The following PLA2G4E variants were observed in gnomAD, a reference collection of about 807,000 sequenced individuals.
PLA2G4E encodes the protein cytosolic phospholipase A2 epsilon.
PLA2G4E carries 84 observed loss-of-function variants against 109.1 expected under a neutral mutation model. That is an observed-to-expected ratio of 0.77 (90% CI 0.65 to 0.92). The LOEUF (loss-of-function observed/expected upper bound fraction) is 0.92. Among genes scored for constraint, PLA2G4E ranks in the 40% least tolerant of loss-of-function variants. The pLI is 0.00. For missense variants in PLA2G4E, 1,057 were observed against 1,076.6 expected, an observed-to-expected ratio of 0.98 and a Z score of 0.25; for synonymous variants, 469 against 436.1, an observed-to-expected ratio of 1.08 and a Z score of -0.94.
chr15:42,040,056 G>A (rs1889286996), intron 1 of PLA2G4E, among the ~76,000 whole-genome samples: 1 of 152,116 alleles, frequency 6.6e-6, no homozygotes, highest in African/African-American at 2.4e-5. Flanking sequence ...ACAGTATTTG[G>A]CCAGTTGTGG....
In PLA2G4E at chr15:41,995,502, G is replaced by T. The variant is rs752214941; in HGVS notation, c.1111-6C>A. 3 of 1,612,484 alleles carry T rather than the reference G, an allele frequency of 1.9e-6. No homozygotes were observed. The highest frequency in any genetic ancestry group is 2.5e-6 in the Non-Finnish European group (3 of 1,178,712). ...ATGATGGCTATCAGCGGCACCTGGG[G>T]TTACACAGAGGCAGGCGGTTGGGGA... is the stretch of plus-strand genomic sequence containing the variant. On this transcript the variant is annotated splice_polypyrimidine_tract_variant and splice_region_variant and intron_variant, in intron 11 of 19. Coordinates refer to ENST00000399518, the Ensembl canonical transcript of PLA2G4E.
intron 17 of PLA2G4E, chr15:41,986,947 G>A: frequency 1.7e-6 from 1 of 583,950 alleles, no homozygotes. Flanking sequence ...TAGAATGACT[G>A]TACAGATGCA....
intron 1 of PLA2G4E, among the ~76,000 whole-genome samples, 83 bp downstream of exon 1, chr15:42,020,852 T>TCCATGC (rs1195789211): frequency 6.6e-6 from 1 of 151,978 alleles, no homozygotes; most frequent in Non-Finnish European, 1.5e-5. Flanking sequence ...TGCTCTCAGC[T>TCCATGC]CCCTGCCCCT....
chr15:42,014,909 A>G (rs2068573908), intron 1 of PLA2G4E, among the ~76,000 whole-genome samples: 1 of 152,080 alleles, frequency 6.6e-6, no homozygotes. Flanking sequence ...CCAGGGGACC[A>G]GAGCCCTGAG....
chr15:42,041,968 G>T (rs1268990249), intron 1 of PLA2G4E, among the ~76,000 whole-genome samples: 1 of 152,194 alleles, frequency 6.6e-6, no homozygotes, highest in Non-Finnish European at 1.5e-5. Flanking sequence ...ATGGCCATGC[G>T]AATTCTCTGG....
chr15:42,050,561 C>A, exon 1 of PLA2G4E: 1 of 1,550,584 alleles, frequency 6.4e-7, no homozygotes, highest in Non-Finnish European at 8.7e-7. Flanking sequence ...AGGTGGGAGA[C>A]CAGGAGTGTC....
At chr15:42,007,194 G>C (rs2068485421) in intron 3 of PLA2G4E, among the ~76,000 whole-genome samples, 1 of 152,142 alleles carries the variant, frequency 6.6e-6, no homozygotes, top group South Asian at 2.1e-4. Flanking sequence ...TCACAACTCA[G>C]GATGCTCAAA....
intron 1 of PLA2G4E, among the ~76,000 whole-genome samples, chr15:42,022,851 A>C (rs1323547944): frequency 1.3e-5 from 2 of 152,170 alleles, no homozygotes; most frequent in Non-Finnish European, 1.5e-5. Flanking sequence ...CACACAACTA[A>C]GAACTGGCTA....
chr15:42,006,703 T>C, intron 3 of PLA2G4E, among the ~76,000 whole-genome samples: 1 of 152,216 alleles, frequency 6.6e-6, no homozygotes, highest in East Asian at 1.9e-4. Flanking sequence ...GGCTGAACTC[T>C]GAGGTCAGTG....
chr15:41,999,468 T>G, intron 10 of PLA2G4E, 56 bp downstream of exon 10: 1 of 1,330,774 alleles, frequency 7.5e-7, no homozygotes, highest in Non-Finnish European at 1.1e-6. Context: ...GAGATACCAC[T>G]GCACACCCAC....
At chr15:42,006,629 C>T (rs2068479939) in intron 3 of PLA2G4E, among the ~76,000 whole-genome samples, 1 of 152,182 alleles carries the variant, frequency 6.6e-6, no homozygotes, top group Non-Finnish European at 1.5e-5. Flanking sequence ...TGAACTCTAT[C>T]CTTTGACTCA....
chr15:41,994,985 G>A (rs370262203), intron 12 of PLA2G4E, among the ~76,000 whole-genome samples: 106 of 152,358 alleles, frequency 7.0e-4, no homozygotes, highest in African/African-American at 2.4e-3. Flanking sequence ...GAGCTCAGCT[G>A]CAGGGCCCTG....
chr15:42,001,058 G>T, intron 7 of PLA2G4E, 99 bp downstream of exon 7: 1 of 1,278,362 alleles, frequency 7.8e-7, no homozygotes. Flanking sequence ...GTCCCCCTGA[G>T]CCCAGGGAAG....
chr15:42,006,319 C>A (rs1394298083), intron 3 of PLA2G4E, 198 bp from the exon 4 acceptor site: 2 of 538,798 alleles, frequency 3.7e-6, no homozygotes, highest in Non-Finnish European at 6.1e-6. Flanking sequence ...TCCTTTCCAA[C>A]TCCCTGAAGC....
At chr15:42,017,979 A>G (rs952084893) in intron 1 of PLA2G4E, among the ~76,000 whole-genome samples, 2 of 152,138 alleles carry the variant, frequency 1.3e-5, no homozygotes, top group African/African-American at 4.8e-5. Context: ...TCAGGAGACA[A>G]CCACATTTTG....
intron 1 of PLA2G4E, among the ~76,000 whole-genome samples, chr15:42,031,761 G>A (rs1173620484): frequency 1.3e-5 from 2 of 152,214 alleles, no homozygotes; most frequent in Admixed American, 6.5e-5. Context: ...GGAGAGGGAA[G>A]GGGAGGTCTT....
chr15:41,997,283 T>C (rs748443757), intron 10 of PLA2G4E, 24 bp from the exon 11 acceptor site: 46 of 1,523,858 alleles, frequency 3.0e-5, no homozygotes, highest in Admixed American at 6.1e-5. Flanking sequence ...GGACCCTGTA[T>C]TGGGCCTGCA....
intron 1 of PLA2G4E, among the ~76,000 whole-genome samples, chr15:42,028,729 T>G (rs548655144): frequency 2.0e-5 from 3 of 152,168 alleles, no homozygotes; most frequent in Admixed American, 2.0e-4. Context: ...TTAAAAGGCT[T>G]CTTCTATGTG....
chr15:42,028,535 T>C (rs1384043054), intron 1 of PLA2G4E, among the ~76,000 whole-genome samples: 1 of 152,052 alleles, frequency 6.6e-6, no homozygotes, highest in Non-Finnish European at 1.5e-5. Flanking sequence ...GCCTTCTGAG[T>C]AGCTGGGATT....
Sources: allele counts gnomAD v4.1 joint callset (sites outside exome capture counted in the v4.1 genomes callset), GRCh38; gene constraint gnomAD v4.1.1; transcripts MANE v1.5; gene names NCBI Gene and HGNC (gene_info 2026-07-23, HGNC 2026-07-21).